POLK: variants seen among roughly 807,000 people sequenced by gnomAD.
POLK encodes the protein polymerase (DNA directed) kappa.
POLK carries 76 observed loss-of-function variants against 94.0 expected under a neutral mutation model. That is an observed-to-expected ratio of 0.81 (90% confidence interval 0.67 to 0.98). The LOEUF (loss-of-function observed/expected upper bound fraction) is 0.98. Ranked by LOEUF, POLK falls within the 50% of genes least tolerant of loss-of-function variation. The pLI is 0.00. For synonymous variants in POLK, 349 were observed against 325.4 expected (o/e 1.07, Z -0.78); for missense variants, 954 against 1,010.1 (o/e 0.94, Z 0.75).
chr5:75,511,315 C>T (rs767483979), upstream of POLK: 5 of 1,549,944 alleles, frequency 3.2e-6, no homozygotes, highest in Non-Finnish European at 4.4e-6. Flanking sequence ...GCGAAGAGTG[C>T]CCGCTCCGGT....
intron 3 of POLK, among the ~76,000 whole-genome samples, chr5:75,555,821 T>A (rs1215768090): frequency 1.3e-5 from 2 of 152,202 alleles, no homozygotes; most frequent in Non-Finnish European, 2.9e-5. Context: ...AGTTCTGGGA[T>A]TACAGGCGTG....
chr5:75,525,237 A>G (rs1411383931), intron 1 of POLK, among the ~76,000 whole-genome samples: 1 of 152,226 alleles, frequency 6.6e-6, no homozygotes, highest in Non-Finnish European at 1.5e-5. Flanking sequence ...AAAGACTTTA[A>G]CACAACTATT....
At chr5:75,547,154 G>C in exon 2 of POLK, 2 of 1,530,004 alleles carry the variant, frequency 1.3e-6, no homozygotes, top group Non-Finnish European at 1.8e-6. Flanking sequence ...TGGAAGCCAC[G>C]AAGGTATGTT....
rs754272745 is a variant in POLK, at chr5:75,597,043, G to C, written c.2350G>C (p.Val784Leu). ...AGCTCTAGTTTGTCCTGTTTGTAAC[G>C]TAGAACAAAAGACTTCAGATCTAAC... The change falls in exon 13 of 15, where the codon GTA becomes CTA. Residue 784 changes from valine to leucine, a missense_variant. Coordinates refer to ENST00000241436, the Ensembl canonical transcript of POLK. 17 of 1,613,436 alleles carry C rather than the reference G, an allele frequency of 1.1e-5. No individual in the cohort carries two copies. The Admixed American group carries it at 2.7e-4, about 25-fold the overall frequency.
Position 75,556,950 on chromosome 5 carries a change from C to T in POLK, c.255+4359C>T, listed in dbSNP as rs527944508. ...TGGTGGCACAGGCCCATGGTCCTAG[C>T]TATTTGGGAGGCTGAGGTGGGAAGA... is the stretch of plus-strand genomic sequence containing the variant. On this transcript the variant is annotated intron_variant, in intron 3 of 14. Coordinates refer to ENST00000241436, the Ensembl canonical transcript of POLK. Among the ~76,000 whole-genome samples, 3 of 152,116 alleles carry T rather than the reference C, an allele frequency of 2.0e-5. No individual in the cohort carries two copies. The South Asian group carries it at 6.2e-4, about 32-fold the overall frequency.
chr5:75,554,601 AG>A (rs1770504742), intron 3 of POLK, among the ~76,000 whole-genome samples: 2 of 152,058 alleles, frequency 1.3e-5, no homozygotes, highest in African/African-American at 4.8e-5. Context: ...TTTGTCACCC[AG>A]GCATTAAGCG....
intron 3 of POLK, among the ~76,000 whole-genome samples, chr5:75,564,931 T>C (rs1771188797): frequency 6.6e-6 from 1 of 152,218 alleles, no homozygotes; most frequent in Non-Finnish European, 1.5e-5. Context: ...TGGCGTTTCT[T>C]GCTAGGTTGG....
intron 12 of POLK, among the ~76,000 whole-genome samples, chr5:75,595,258 A>AAAAAAAAAAAAAAAC: frequency 6.7e-6 from 1 of 149,614 alleles, no homozygotes; most frequent in East Asian, 1.9e-4. Flanking sequence ...GAAAAAAAAA[A>AAAAAAAAAAAAAAAC]AAAAAAAAAA....
intron 5 of POLK, among the ~76,000 whole-genome samples, chr5:75,574,948 G>T (rs1210825967): frequency 6.6e-6 from 1 of 152,170 alleles, no homozygotes; most frequent in Non-Finnish European, 1.5e-5. Flanking sequence ...TTTTAAAGTC[G>T]TACTTTAACT....
chr5:75,515,188 C>G (rs1163689591), intron 1 of POLK, among the ~76,000 whole-genome samples: 1 of 152,080 alleles, frequency 6.6e-6, no homozygotes, highest in Non-Finnish European at 1.5e-5. Context: ...ATTGATTTAA[C>G]CTTTGGTATT....
At chr5:75,585,002 T>G (rs1266487910) in intron 9 of POLK, 76 bp downstream of exon 9, 2 of 879,660 alleles carry the variant, frequency 2.3e-6, no homozygotes, top group Non-Finnish European at 3.7e-6. Flanking sequence ...GAGATGAGGC[T>G]ATATGGATAA....
At chr5:75,511,794 AGGAGGAGC>A in exon 1 of POLK, 1 of 1,551,366 alleles carries the variant, frequency 6.4e-7, no homozygotes, top group Non-Finnish European at 8.7e-7. Flanking sequence ...GTAGAAAAGC[AGGAGGAGC>A]GGAGAAAGGA....
At chr5:75,544,813 A>G (rs1263708045) in intron 1 of POLK, among the ~76,000 whole-genome samples, 1 of 152,226 alleles carries the variant, frequency 6.6e-6, no homozygotes, top group Non-Finnish European at 1.5e-5. Flanking sequence ...TTACTAGACA[A>G]TGACAGGTAA....
chr5:75,586,615 A>G (rs1424433365), intron 9 of POLK, among the ~76,000 whole-genome samples: 2 of 152,196 alleles, frequency 1.3e-5, no homozygotes, highest in South Asian at 4.1e-4. Context: ...TGAATAGGCT[A>G]TGGGAGAAAG....
chr5:75,551,180 A>G (rs575962280), intron 2 of POLK, among the ~76,000 whole-genome samples: 2 of 152,336 alleles, frequency 1.3e-5, no homozygotes, highest in South Asian at 2.1e-4. Flanking sequence ...GTTAGGCAGA[A>G]ATTTCTTAGA....
chr5:75,515,864 G>C (rs75376232), intron 1 of POLK, among the ~76,000 whole-genome samples: 7,837 of 152,196 alleles, frequency 0.051, 564 homozygotes, highest in African/African-American at 0.17. Flanking sequence ...TAAAACTAGC[G>C]TGGGCAACGT....
chr5:75,559,523 G>GTTTTTTTTTTTTTTTTTTTTTTT lies in POLK; in HGVS notation c.255+6937_255+6959dup, dbSNP rs775525619. Among the ~76,000 whole-genome samples the GTTTTTTTTTTTTTTTTTTTTTTT allele has an allele frequency of 2.6e-4, 14 of 54,676 alleles. 1 individual carries two copies. The highest frequency in any genetic ancestry group is 4.8e-4 in the Admixed American group (2 of 4,172). The allele number at this position is 54,676 out of a possible 152,430, so 35.9% of individuals were successfully genotyped here. Reference sequence around the variant, plus strand: ...GGGGTTTGTTTTTTTGTTTTGTTTTGTTTTTTTTTTTTTTTTTTTTTTTTT... The same window carrying GTTTTTTTTTTTTTTTTTTTTTTT: ...GGGGTTTGTTTTTTTGTTTTGTTTTGTTTTTTTTTTTTTTTTTTTTTTTTTTTTTTTTTTTTTTTTTTTTTTTT... On this transcript the variant is annotated intron_variant, in intron 3 of 14. Transcript: ENST00000241436.
chr5:75,572,247 C>G (rs1771634927), intron 4 of POLK, among the ~76,000 whole-genome samples: 1 of 152,174 alleles, frequency 6.6e-6, no homozygotes, highest in Non-Finnish European at 1.5e-5. Context: ...TACTCTCATA[C>G]TTTTGTAGTT....
At chr5:75,525,007 G>T (rs1222378794) in intron 1 of POLK, among the ~76,000 whole-genome samples, 1 of 152,178 alleles carries the variant, frequency 6.6e-6, no homozygotes. Context: ...GACATAGAGA[G>T]TTTTCAGTTA....
Sources: gnomAD v4.1 joint callset for allele counts (sites outside exome capture counted in the v4.1 genomes callset) on GRCh38, gnomAD v4.1.1 for gene constraint, MANE v1.5 for transcripts, NCBI Gene and HGNC (gene_info 2026-07-23, HGNC 2026-07-21) for gene names.